CEP128: variants seen among roughly 807,000 people sequenced by gnomAD.
The protein encoded by CEP128 is centrosomal protein 128kDa.
A neutral mutation model predicts 156.7 loss-of-function variants in CEP128; 132 were observed. That is an observed-to-expected ratio of 0.84 (90% confidence interval 0.73 to 0.97). The LOEUF (loss-of-function observed/expected upper bound fraction) is 0.97, where lower values mean the gene tolerates loss of function less well. Ranked by LOEUF, CEP128 falls within the 50% of genes least tolerant of loss-of-function variation. CEP128 has a pLI of 0.00. For missense variants in CEP128, 1,252 were observed against 1,281.9 expected, an observed-to-expected ratio of 0.98 and a Z score of 0.36; for synonymous variants, 469 against 448.9, an observed-to-expected ratio of 1.04 and a Z score of -0.57.
chr14:80,602,674 G>A (rs1032148553), intron 19 of CEP128, among the ~76,000 whole-genome samples: 2 of 152,168 alleles, frequency 1.3e-5, no homozygotes, highest in Non-Finnish European at 2.9e-5. Context: ...TCAGGAGGCT[G>A]AGGCAGCAGA....
In CEP128 at chr14:80,885,669, GA is replaced by G. The variant is rs554592886; in HGVS notation, c.645+10048del. ...AGGTAGATAAATCCATGAAGATGAG[GA>G]AAAACCAGTGCAAAAATACTGAAAA... On this transcript the variant is annotated intron_variant, in intron 8 of 24. Coordinates refer to ENST00000555265, the MANE Select transcript of CEP128 (RefSeq NM_152446.5). Among the ~76,000 whole-genome samples, 8 of 152,216 alleles carry G rather than the reference GA, an allele frequency of 5.3e-5. No homozygotes were observed. The South Asian group carries it at 1.7e-3, about 32-fold the overall frequency.
chr14:80,926,108 T>A (rs548216688), intron 2 of CEP128, among the ~76,000 whole-genome samples: 1 of 152,064 alleles, frequency 6.6e-6, no homozygotes, highest in Non-Finnish European at 1.5e-5. Flanking sequence ...TGATATAATC[T>A]TTAGTGGGGA....
At chr14:80,489,185 A>G (rs1459698133), downstream of CEP128, among the ~76,000 whole-genome samples, 3 of 151,736 alleles carry the variant, frequency 2.0e-5, no homozygotes, top group Admixed American at 6.6e-5. Flanking sequence ...AAGCAAAACA[A>G]GAGGGAAAGA....
At chr14:80,634,074 G>T (rs985652343) in intron 19 of CEP128, among the ~76,000 whole-genome samples, 1 of 152,150 alleles carries the variant, frequency 6.6e-6, no homozygotes, top group African/African-American at 2.4e-5. Context: ...AGAAATTTGG[G>T]TCACTAGGGA....
At chr14:80,500,894 TTTCTC>T (rs952738586) in intron 24 of CEP128, among the ~76,000 whole-genome samples, 4 of 152,176 alleles carry the variant, frequency 2.6e-5, no homozygotes, top group African/African-American at 4.8e-5. Flanking sequence ...TACTATGACA[TTTCTC>T]TTCTTGTTCA....
chr14:80,568,497 C>T (rs915570863), intron 20 of CEP128, among the ~76,000 whole-genome samples: 1 of 152,064 alleles, frequency 6.6e-6, no homozygotes, highest in Admixed American at 6.5e-5. Context: ...CTTTCTTGCC[C>T]GTCACTCTCA....
intron 20 of CEP128, among the ~76,000 whole-genome samples, chr14:80,564,022 T>C (rs927905935): frequency 3.9e-5 from 6 of 152,040 alleles, no homozygotes; most frequent in African/African-American, 1.4e-4. Flanking sequence ...GAAGTAAAAA[T>C]GTAAAATTCT....
chr14:80,522,608 G>A (rs949674710), intron 23 of CEP128, among the ~76,000 whole-genome samples: 1 of 152,180 alleles, frequency 6.6e-6, no homozygotes, highest in Non-Finnish European at 1.5e-5. Flanking sequence ...AAATTCCAAT[G>A]TTAATTAAAA....
chr14:80,705,285 T>A (rs1383440810), intron 19 of CEP128, among the ~76,000 whole-genome samples: 1 of 148,064 alleles, frequency 6.8e-6, no homozygotes, highest in African/African-American at 2.6e-5. Flanking sequence ...ATTCCACTTG[T>A]GTGTGTGTGT....
At chr14:80,810,494 C>A (rs950536131) in intron 13 of CEP128, among the ~76,000 whole-genome samples, 11 of 151,956 alleles carry the variant, frequency 7.2e-5, no homozygotes, top group Admixed American at 4.6e-4. Flanking sequence ...TGTGACCTAA[C>A]TATATGCTTC....
At chr14:80,530,652 C>T (rs1376660152) in intron 22 of CEP128, among the ~76,000 whole-genome samples, 157 bp downstream of exon 22, 4 of 152,216 alleles carry the variant, frequency 2.6e-5, no homozygotes, top group African/African-American at 9.6e-5. Context: ...ATTCTAACTT[C>T]ACAAATGTCA....
At position 80,761,420 on chromosome 14, in the gene CEP128, T is replaced by C; in HGVS notation, c.2553+17A>G. The C allele has an allele frequency of 6.5e-7, 1 of 1,549,948 alleles. No individual in the cohort carries two copies. On this transcript the variant is annotated intron_variant, in intron 17 of 24. Coordinates refer to ENST00000555265, the MANE Select transcript of CEP128 (RefSeq NM_152446.5). ...AACTAACTGAAAATATAAGGTGCAATGAGAATTCATAATTACTTTTAATTT... is the reference window on the plus strand; with the variant it reads ...AACTAACTGAAAATATAAGGTGCAACGAGAATTCATAATTACTTTTAATTT...
At chr14:80,693,500 T>C (rs1019271749) in intron 19 of CEP128, among the ~76,000 whole-genome samples, 20 of 152,172 alleles carry the variant, frequency 1.3e-4, no homozygotes, top group African/African-American at 2.7e-4. Flanking sequence ...ATTTTTCCTA[T>C]ATTAAACTTA....
At chr14:80,805,786 A>G (rs1300690653) in intron 13 of CEP128, among the ~76,000 whole-genome samples, 1 of 152,202 alleles carries the variant, frequency 6.6e-6, no homozygotes, top group East Asian at 1.9e-4. Flanking sequence ...AACTCCAATC[A>G]ATCAAAGGAA....
intron 9 of CEP128, among the ~76,000 whole-genome samples, chr14:80,859,907 A>G (rs901815497): frequency 7.9e-5 from 12 of 152,178 alleles, no homozygotes; most frequent in African/African-American, 2.4e-4. Context: ...TGCATCCTAT[A>G]ATTTCAAATA....
intron 19 of CEP128, among the ~76,000 whole-genome samples, chr14:80,620,727 G>A (rs1277174519): frequency 6.6e-6 from 1 of 152,140 alleles, no homozygotes; most frequent in Admixed American, 6.5e-5. Flanking sequence ...TCAGTCCAAA[G>A]GAAACTGATC....
chr14:80,740,966 C>T (rs185040475), intron 19 of CEP128, among the ~76,000 whole-genome samples: 1 of 152,010 alleles, frequency 6.6e-6, no homozygotes, highest in Non-Finnish European at 1.5e-5. Context: ...TAGCACCTAC[C>T]CCAAACTGGA....
chr14:80,772,390 A>G (rs1326769535), intron 16 of CEP128, among the ~76,000 whole-genome samples: 1 of 152,010 alleles, frequency 6.6e-6, no homozygotes, highest in African/African-American at 2.4e-5. Flanking sequence ...TGGATGGCCA[A>G]ACTCCAGGGG....
chr14:80,792,400 T>G (rs1349768085), intron 14 of CEP128, among the ~76,000 whole-genome samples: 1 of 152,178 alleles, frequency 6.6e-6, no homozygotes, highest in Non-Finnish European at 1.5e-5. Flanking sequence ...TTAAAATAAA[T>G]GCATTGGGAG....
Sources: gnomAD v4.1 joint callset for allele counts (sites outside exome capture counted in the v4.1 genomes callset) on GRCh38, gnomAD v4.1.1 for gene constraint, MANE v1.5 for transcripts, NCBI Gene and HGNC (gene_info 2026-07-23, HGNC 2026-07-21) for gene names.